RPL3L: variants seen among roughly 807,000 people sequenced by gnomAD.
RPL3L encodes the protein ribosomal protein uL3-like.
Under a neutral mutation model 44.5 loss-of-function variants are expected in RPL3L, and 44 were observed. The observed-to-expected ratio is 0.99, with a 90% confidence interval of 0.78 to 1.27. The LOEUF is 1.27. RPL3L is among the 50% of genes most tolerant of loss of function. RPL3L has a pLI of 0.00. For missense variants in RPL3L, 631 were observed against 569.1 expected (o/e 1.11, Z -1.11); for synonymous variants, 292 against 230.7 (o/e 1.27, Z -2.41).
intron 2 of RPL3L, 126 bp from the exon 3 acceptor site, chr16:1,953,168 G>A (rs2083183716): frequency 8.2e-6 from 8 of 979,032 alleles, no homozygotes; most frequent in Non-Finnish European, 7.4e-6. Flanking sequence ...GCATTCCCCA[G>A]AGGGTGGGGC....
intron 3 of RPL3L, among the ~76,000 whole-genome samples, chr16:1,952,191 A>G (rs2083175615): frequency 6.6e-6 from 1 of 151,048 alleles, no homozygotes; most frequent in South Asian, 2.1e-4. Flanking sequence ...CTGGTCTCGA[A>G]CTCCTGACCT....
chr16:1,945,647 A>T (rs769661689), intron 8 of RPL3L, 29 bp from the exon 9 acceptor site: 18 of 1,613,190 alleles, frequency 1.1e-5, no homozygotes, highest in Non-Finnish European at 1.3e-5. Flanking sequence ...AGTAAACATC[A>T]AGTGTGGGGA....
rs1293270103 is a variant in RPL3L at position 1,947,366 on chromosome 16, G to A, written c.516C>T (p.Pro172=). 9 of 1,588,006 alleles carry A rather than the reference G, an allele frequency of 5.7e-6. No homozygotes were observed. Among genetic ancestry groups the A allele is most frequent in the Non-Finnish European group, 6.8e-6 (8 of 1,168,074 alleles). ...TGATGTGGGCCTTCTTCTGCCGGAAGGGCAGCAGTTTCATCTGCAGGACAT... is the reference window on the plus strand; with the variant it reads ...TGATGTGGGCCTTCTTCTGCCGGAAAGGCAGCAGTTTCATCTGCAGGACAT... ...VIVHTQMKLL[P]FRQKKAHIME... is the part of the protein sequence containing the mutation. Residue 172 remains proline (P), a synonymous_variant, in exon 5 of 10, where the codon CCC becomes CCT. Coordinates refer to ENST00000268661, the MANE Select transcript of RPL3L (RefSeq NM_005061.3).
Position 1,954,138 on chromosome 16 carries a change from T to C in RPL3L, c.14A>G (p.Lys5Arg). The C allele has an allele frequency of 1.3e-6, 2 of 1,583,344 alleles. No individual in the cohort carries two copies. Among genetic ancestry groups the C allele is most frequent in the Non-Finnish European group, 1.7e-6 (2 of 1,164,580 alleles). The change falls in exon 2 of 10, where the codon AAG becomes AGG. Residue 5 changes from lysine to arginine, a missense_variant. Transcript: ENST00000268661. Reference sequence around the variant, plus strand: ...GTGTCCGTGCCGAGGGGCGGAAAACTTCCGGTGGGACTGGGGGGCAGGAAG... The same window carrying C: ...GTGTCCGTGCCGAGGGGCGGAAAACCTCCGGTGGGACTGGGGGGCAGGAAG... Reference protein sequence around the residue: MSHRKFSAPRHGHLG... With the variant: MSHRRFSAPRHGHLG...
intron 2 of RPL3L, 30 bp downstream of exon 2, chr16:1,953,926 C>T: frequency 6.8e-7 from 1 of 1,472,798 alleles, no homozygotes; most frequent in Non-Finnish European, 9.0e-7. Flanking sequence ...CAGCCCTCCC[C>T]CTCCCCCAAG....
intron 2 of RPL3L, 141 bp downstream of exon 2, chr16:1,953,815 G>A (rs1446198465): frequency 3.5e-6 from 3 of 863,798 alleles, no homozygotes; most frequent in Non-Finnish European, 4.8e-6. Flanking sequence ...CCTGTGCTCA[G>A]CGTCCACCCC....
In RPL3L at chr16:1,945,878, C is replaced by G; in HGVS notation, c.1004G>C (p.Gly335Ala). The G allele has an allele frequency of 6.2e-7, 1 of 1,613,914 alleles. No individual in the cohort carries two copies. ...CCGCTTCTTGGTACCAGCAATACAA[C>G]CCTTCAGCATGACGAAGTCGTTGTT... ...EVNNDFVMLK[G>A]CIAGTKKRVI... is the part of the protein sequence containing the mutation. The change falls in exon 8 of 10, where the codon GGT (glycine) becomes GCT (alanine). Residue 335 changes from glycine to alanine, a missense_variant. Transcript: ENST00000268661.
At position 1,945,845 on chromosome 16, in the gene RPL3L, G is replaced by A. The variant is rs541904197; in HGVS notation, c.1037C>T (p.Thr346Met). Residue 346 changes from threonine (T) to methionine (M), a missense_variant, in exon 8 of 10, where the codon ACG becomes ATG. Thr to Met is a moderately conservative substitution (Grantham distance 81). Coordinates refer to ENST00000268661, the MANE Select transcript of RPL3L (RefSeq NM_005061.3). Reference protein sequence around the residue: ...CIAGTKKRVITLRKSLLVHHS... With the variant: ...CIAGTKKRVIMLRKSLLVHHS... Reference sequence around the variant, plus strand: ...CCCAGCACTGCCAACCTTTCTCAGCGTAATGACCCGCTTCTTGGTACCAGC... The same window carrying A: ...CCCAGCACTGCCAACCTTTCTCAGCATAATGACCCGCTTCTTGGTACCAGC... 1.5e-4 allele frequency: 246 copies of A among 1,613,984 alleles called. 2 individuals carry two copies. Among genetic ancestry groups the A allele is most frequent in the Admixed American group, 6.3e-4 (38 of 60,014 alleles).
intron 4 of RPL3L, among the ~76,000 whole-genome samples, chr16:1,949,764 G>A (rs1476770264): frequency 1.5e-4 from 10 of 65,278 alleles, no homozygotes; most frequent in Admixed American, 3.2e-4. Flanking sequence ...CAGGTATGTA[G>A]GGGGCAGGTA....
chr16:1,953,135 A>C, intron 2 of RPL3L, 93 bp from the exon 3 acceptor site: 1 of 1,373,300 alleles, frequency 7.3e-7, no homozygotes, highest in Non-Finnish European at 9.8e-7. Flanking sequence ...GCAGGACAGG[A>C]GAGTGTGGGG....
intron 7 of RPL3L, among the ~76,000 whole-genome samples, 179 bp from the exon 8 acceptor site, chr16:1,946,109 C>A (rs1427050665): frequency 6.6e-6 from 1 of 152,258 alleles, no homozygotes; most frequent in South Asian, 2.1e-4. Flanking sequence ...GAGTCACAAG[C>A]TAAGTCCTTT....
chr16:1,945,451 T>C, intron 9 of RPL3L, 48 bp downstream of exon 9: 1 of 1,577,212 alleles, frequency 6.3e-7, no homozygotes, highest in Non-Finnish European at 8.6e-7. Flanking sequence ...AGGCTGGATG[T>C]GGAGCTGGAG....
Position 1,950,831 on chromosome 16 carries a change from G to T in RPL3L, c.501+13C>A. ...CCTAGGGACTGACCGACAGCGGAGG[G>T]CCGGGGGCTGACCTGAGTGTGGACA... On this transcript the variant is annotated intron_variant, in intron 4 of 9. Coordinates refer to ENST00000268661, the MANE Select transcript of RPL3L (RefSeq NM_005061.3). The T allele has an allele frequency of 6.2e-7, 1 of 1,614,024 alleles. No homozygotes were observed. The highest frequency in any genetic ancestry group is 1.1e-5 in the South Asian group (1 of 91,086).
In RPL3L at chr16:1,946,706, GC is replaced by G; in HGVS notation, c.869del (p.Gly290AlafsTer10). 2 of 1,611,484 alleles carry G rather than the reference GC, an allele frequency of 1.2e-6. No individual in the cohort carries two copies. Among genetic ancestry groups the G allele is most frequent in the Non-Finnish European group, 1.7e-6 (2 of 1,179,810 alleles). ...LNKKIFRIGR[G>X]PHMEDGKLVK... is the part of the protein sequence containing the mutation. ...CCAGCTTCCCGTCCTCCATGTGCGG[GC>G]CCCTGCCGATGCGGAAGATCTGCCA... On this transcript the variant is annotated frameshift_variant, in exon 7 of 10. Transcript: ENST00000268661. LOFTEE classifies it high-confidence loss of function.
At chr16:1,951,238 A>G (rs2083170330) in intron 3 of RPL3L, among the ~76,000 whole-genome samples, 3 of 152,194 alleles carry the variant, frequency 2.0e-5, no homozygotes, top group Admixed American at 2.0e-4. Context: ...GCAGAGGTGC[A>G]GAAGCTCAGA....
Position 1,945,539 on chromosome 16 carries a change from T to C in RPL3L, c.1127A>G (p.His376Arg), listed in dbSNP as rs769158224. 11 of 1,613,544 alleles carry C rather than the reference T, an allele frequency of 6.8e-6. No individual in the cohort carries two copies. The highest frequency in any genetic ancestry group is 3.3e-5 in the Admixed American group (2 of 59,984). Reference sequence around the variant, plus strand: ...CTCTTGGGCTGTCTGGAAGCGGCCATGGCCGAACTTGGAGGTGGTGTCAAT... The same window carrying C: ...CTCTTGGGCTGTCTGGAAGCGGCCACGGCCGAACTTGGAGGTGGTGTCAAT... Reference protein sequence around the residue: ...KFIDTTSKFGHGRFQTAQEKR... With the variant: ...KFIDTTSKFGRGRFQTAQEKR... The change falls in exon 9 of 10, where the codon CAT becomes CGT. Residue 376 changes from histidine (H) to arginine (R), a missense_variant. By Grantham distance (29) the His-to-Arg change is conservative. Transcript: ENST00000268661.
chr16:1,949,058 A>T (rs7198197), intron 4 of RPL3L, among the ~76,000 whole-genome samples: 7 of 138,802 alleles, frequency 5.0e-5, no homozygotes, highest in African/African-American at 2.0e-4. Context: ...TGTTGCCAAG[A>T]CTGGTCTCGA....
At chr16:1,946,539 A>C in intron 7 of RPL3L, 86 bp downstream of exon 7, 1 of 1,397,996 alleles carries the variant, frequency 7.2e-7, no homozygotes, top group Non-Finnish European at 9.9e-7. Flanking sequence ...CCCTACATGT[A>C]TACCAGGCCC....
rs1194570950 is a variant in RPL3L at position 1,947,031 on chromosome 16, G to A, written c.756C>T (p.Ala252=). The change falls in exon 6 of 10, where the codon GCC becomes GCT. Residue 252 remains alanine (A), a synonymous_variant. Transcript: ENST00000268661. ...GGGCGGGGTGCCAGGCGCCAATGCA[G>A]GCCACCTTGCGCAGGCCCTTATGGG... is the stretch of plus-strand genomic sequence containing the variant. ...RKTHKGLRKV[A]CIGAWHPARV... is the part of the protein sequence containing the mutation. 1 of 1,612,866 alleles carries A rather than the reference G, an allele frequency of 6.2e-7. No individual in the cohort carries two copies. The highest frequency in any genetic ancestry group is 1.7e-5 in the Admixed American group (1 of 59,934).
Sources: gnomAD v4.1 joint callset for allele counts (sites outside exome capture counted in the v4.1 genomes callset) on GRCh38, gnomAD v4.1.1 for gene constraint, MANE v1.5 for transcripts, NCBI Gene and HGNC (gene_info 2026-07-23, HGNC 2026-07-21) for gene names.